Variants in AUTS2 observed in about 807,000 individuals in gnomAD.
AUTS2 encodes activator of transcription and developmental regulator AUTS2, also known as autism susceptibility gene 2 protein.
Under a neutral mutation model 112.4 loss-of-function variants are expected in AUTS2, and 17 were observed. The ratio of observed to expected loss-of-function variants is 0.15; its 90% CI spans 0.10 to 0.23. The LOEUF is 0.23. AUTS2 is among the 10% of genes least tolerant of loss of function. The probability of loss-of-function intolerance (pLI) is 1.00; values close to 1 mark genes in which losing one functional copy is unlikely to be tolerated. For synonymous variants in AUTS2, 751 were observed against 702.7 expected (o/e 1.07, Z -1.09); for missense variants, 1,510 against 1,701.6 (o/e 0.89, Z 1.98).
intron 1 of AUTS2, among the ~76,000 whole-genome samples, chr7:69,765,063 G>A (rs556225345): frequency 3.3e-5 from 5 of 152,250 alleles, no homozygotes; most frequent in African/African-American, 1.2e-4. Flanking sequence ...GATAATTTAA[G>A]GACATGCTCT....
At chr7:70,495,516 A>C (rs1262965138) in intron 5 of AUTS2, among the ~76,000 whole-genome samples, 2 of 151,866 alleles carry the variant, frequency 1.3e-5, no homozygotes, top group Non-Finnish European at 2.9e-5. Context: ...AAATTTGGTG[A>C]AACTCTTTCC....
intron 1 of AUTS2, among the ~76,000 whole-genome samples, chr7:69,898,291 G>T (rs1794835215): frequency 6.6e-6 from 1 of 152,140 alleles, no homozygotes; most frequent in Admixed American, 6.5e-5. Context: ...CTGTGTAAGA[G>T]GATTAGATCC....
At chr7:70,255,196 C>T (rs1786799092) in intron 4 of AUTS2, among the ~76,000 whole-genome samples, 1 of 151,690 alleles carries the variant, frequency 6.6e-6, no homozygotes, top group East Asian at 1.9e-4. Context: ...GCCTCAGCCT[C>T]CCGAGTAGTG....
At chr7:69,775,884 G>T (rs920555629) in intron 1 of AUTS2, among the ~76,000 whole-genome samples, 3 of 152,070 alleles carry the variant, frequency 2.0e-5, no homozygotes, top group African/African-American at 7.2e-5. Context: ...AAATACCCCG[G>T]TCTCATTTCT....
chr7:70,528,297 A>T (rs1346232896), intron 5 of AUTS2, among the ~76,000 whole-genome samples: 1 of 152,022 alleles, frequency 6.6e-6, no homozygotes, highest in East Asian at 1.9e-4. Context: ...AATAATAAAA[A>T]AAAAACCCAG....
Position 70,694,508 on chromosome 7 carries a change from T to TCCC in AUTS2, c.691-4060_691-4058dup, listed in dbSNP as rs927789651. ...CCGCCGCGCGCCCTCCTCCTCCTCC[T>TCCC]CCCTCTCCCTCCTCCCTCCCTCCGC... On this transcript the variant is annotated intron_variant, in intron 5 of 18. Transcript: ENST00000342771. This position sits in a 1 kb window ranked among gnomAD's most constrained non-coding sequence, Gnocchi z 4.1. The TCCC allele has an allele frequency of 6.8e-6, 1 of 147,288 alleles. No homozygotes were observed. The highest frequency in any genetic ancestry group is 1.5e-5 in the Non-Finnish European group (1 of 66,596). The allele number at this position is 147,288 out of a possible 1,614,324, so 9.1% of individuals were successfully genotyped here. A position where few individuals can be genotyped will look rare whatever the true frequency, so the allele number is the denominator to read the frequency against.
At chr7:69,704,849 G>A (rs1012643481) in intron 1 of AUTS2, among the ~76,000 whole-genome samples, 5 of 152,050 alleles carry the variant, frequency 3.3e-5, no homozygotes, top group African/African-American at 1.2e-4. Flanking sequence ...ATGTCTCTGT[G>A]CTTTCCTTGT....
At chr7:69,747,169 G>C (rs973996039) in intron 1 of AUTS2, among the ~76,000 whole-genome samples, 7 of 152,176 alleles carry the variant, frequency 4.6e-5, no homozygotes, top group Admixed American at 1.3e-4. Context: ...CCAAGAATTT[G>C]CATTATTTAC....
intron 4 of AUTS2, among the ~76,000 whole-genome samples, chr7:70,136,044 G>T (rs1806542939): frequency 6.6e-6 from 1 of 151,990 alleles, no homozygotes; most frequent in Non-Finnish European, 1.5e-5. Flanking sequence ...GGATCACCCT[G>T]AAAGAAGAAA....
At chr7:70,527,357 G>A (rs1054841004) in intron 5 of AUTS2, among the ~76,000 whole-genome samples, 1 of 151,734 alleles carries the variant, frequency 6.6e-6, no homozygotes, top group Admixed American at 6.6e-5. Flanking sequence ...TCTTTTTTTG[G>A]GGGGGTTGAA....
In AUTS2 at chr7:70,649,500, TTTTA is replaced by T. The variant is rs80256360; in HGVS notation, c.691-49029_691-49026del. ...CTCAGAGTGTCCCAGTGGTGATTTA[TTTTA>T]TTTATTTATTTATTTATTTATTTAT... On this transcript the variant is annotated intron_variant, in intron 5 of 18. Transcript: ENST00000342771. Among the ~76,000 whole-genome samples the T allele has an allele frequency of 4.0e-3, 582 of 143,868 alleles. 3 individuals carry two copies. Among genetic ancestry groups the T allele is most frequent in the East Asian group, 0.013 (64 of 4,878 alleles). The allele number at this position is 143,868 out of a possible 152,430, so 94.4% of individuals were successfully genotyped here.
At chr7:70,530,572 G>T (rs1239465619) in intron 5 of AUTS2, among the ~76,000 whole-genome samples, 1 of 152,140 alleles carries the variant, frequency 6.6e-6, no homozygotes. Context: ...GCCGACAAGG[G>T]TTTGGGTTGT....
At chr7:70,139,506 T>C (rs1159986854) in intron 4 of AUTS2, among the ~76,000 whole-genome samples, 2 of 152,212 alleles carry the variant, frequency 1.3e-5, no homozygotes, top group Admixed American at 1.3e-4. Flanking sequence ...TTTCCATTTA[T>C]AAAATATAGT....
chr7:69,684,257 G>A (rs1043936334), intron 1 of AUTS2, among the ~76,000 whole-genome samples: 9 of 152,136 alleles, frequency 5.9e-5, no homozygotes, highest in African/African-American at 2.2e-4. Flanking sequence ...GAGGTAGACT[G>A]CCCCTTCCTG....
At chr7:70,056,014 G>A (rs1241138717) in intron 2 of AUTS2, among the ~76,000 whole-genome samples, 1 of 151,826 alleles carries the variant, frequency 6.6e-6, no homozygotes, top group East Asian at 1.9e-4. Flanking sequence ...CAGAGACAGT[G>A]TCTTGCTCTG....
chr7:70,715,207 A>C (rs1416105900), intron 6 of AUTS2, among the ~76,000 whole-genome samples: 1 of 152,228 alleles, frequency 6.6e-6, no homozygotes, highest in Non-Finnish European at 1.5e-5. Context: ...CCAGGAGTTT[A>C]TTAATAAGTC....
chr7:70,486,005 A>AAAT (rs1381006452), intron 5 of AUTS2, among the ~76,000 whole-genome samples: 23 of 130,536 alleles, frequency 1.8e-4, no homozygotes, highest in Non-Finnish European at 3.7e-4. Flanking sequence ...AATAAATAAT[A>AAAT]AATAAATAAA....
In AUTS2 at chr7:70,610,743, C is replaced by T. The variant is rs79549356; in HGVS notation, c.691-87826C>T. Among the ~76,000 whole-genome samples, 528 of 152,116 alleles carry T rather than the reference C, an allele frequency of 3.5e-3. 10 individuals are homozygous for T. The East Asian group carries it at 0.054, about 16-fold the overall frequency. On this transcript the variant is annotated intron_variant, in intron 5 of 18. Coordinates refer to ENST00000342771, the MANE Select transcript of AUTS2 (RefSeq NM_015570.4). Reference sequence around the variant, plus strand: ...TTTGAATTTCCCTGATTATTAGTGCCGTTGAGCAGTTTTTAAATATATCTG... The same window carrying T: ...TTTGAATTTCCCTGATTATTAGTGCTGTTGAGCAGTTTTTAAATATATCTG...
intron 1 of AUTS2, among the ~76,000 whole-genome samples, chr7:69,818,616 T>C (rs1036338702): frequency 6.6e-6 from 1 of 152,216 alleles, no homozygotes; most frequent in African/African-American, 2.4e-5. Flanking sequence ...CTATTGTTTG[T>C]CTATAATTGT....
Sources: allele counts gnomAD v4.1 joint callset (sites outside exome capture counted in the v4.1 genomes callset), GRCh38; gene constraint gnomAD v4.1.1; non-coding constraint Gnocchi (gnomAD v3.1); transcripts MANE v1.5; gene names NCBI Gene and HGNC (gene_info 2026-07-23, HGNC 2026-07-21).